PDE3A: variants seen among roughly 807,000 people sequenced by gnomAD.
The protein encoded by PDE3A is phosphodiesterase 3A.
In PDE3A, 43 loss-of-function variants were observed where a neutral mutation model predicts 98.3. The ratio of observed to expected loss-of-function variants is 0.44; its 90% CI spans 0.34 to 0.56. PDE3A has a LOEUF of 0.56. PDE3A is among the 20% of genes least tolerant of loss of function. The pLI, the probability that PDE3A is intolerant of heterozygous loss-of-function variation, is 0.01. For synonymous variants in PDE3A, 663 were observed against 567.9 expected (o/e 1.17, Z -2.38); for missense variants, 1,427 against 1,440.7 (o/e 0.99, Z 0.15).
chr12:20,614,001 T>G (rs1217142849), intron 3 of PDE3A, among the ~76,000 whole-genome samples: 1 of 152,164 alleles, frequency 6.6e-6, no homozygotes, highest in Non-Finnish European at 1.5e-5. Flanking sequence ...GTGATAAGGA[T>G]ATTGCAACAA....
intron 1 of PDE3A, among the ~76,000 whole-genome samples, chr12:20,528,600 A>G (rs1946569268): frequency 6.6e-6 from 1 of 152,232 alleles, no homozygotes; most frequent in Non-Finnish European, 1.5e-5. Flanking sequence ...TACTGCATCT[A>G]CAATAATTTA....
At chr12:20,406,044 A>AT (rs1437746359) in intron 1 of PDE3A, among the ~76,000 whole-genome samples, 7 of 152,090 alleles carry the variant, frequency 4.6e-5, no homozygotes, top group Non-Finnish European at 1.0e-4. Context: ...AAATAGTAGG[A>AT]TTTTCTCCTT....
chr12:20,415,271 T>A (rs1218152943), intron 1 of PDE3A, among the ~76,000 whole-genome samples: 1 of 152,088 alleles, frequency 6.6e-6, no homozygotes, highest in Non-Finnish European at 1.5e-5. Flanking sequence ...GAATTGTAGT[T>A]ACAGCCAAAC....
intron 1 of PDE3A, among the ~76,000 whole-genome samples, chr12:20,425,644 C>T (rs1565545194): frequency 6.6e-6 from 1 of 152,210 alleles, no homozygotes; most frequent in East Asian, 1.9e-4. Flanking sequence ...TAAACTCATT[C>T]TAAGATTGTC....
Position 20,685,381 on chromosome 12 carries a change from C to T in PDE3A, c.*5110C>T, listed in dbSNP as rs1231328046. Reference sequence around the variant, plus strand: ...CTGAGATTGCACCATTGCACTCCAGCCTGGGCAACAGGAGTTAAATTTTGC... The same window carrying T: ...CTGAGATTGCACCATTGCACTCCAGTCTGGGCAACAGGAGTTAAATTTTGC... On this transcript the variant is annotated 3_prime_UTR_variant, in exon 16 of 16. Transcript: ENST00000359062. Among the ~76,000 whole-genome samples the T allele has an allele frequency of 7.3e-6, 1 of 137,004 alleles. No individual in the cohort carries two copies. The highest frequency in any genetic ancestry group is 1.5e-5 in the Non-Finnish European group (1 of 66,218). 89.9% of individuals were successfully genotyped at this position (137,004 alleles called of 152,430 possible).
intron 1 of PDE3A, among the ~76,000 whole-genome samples, chr12:20,397,586 A>G (rs10770648): frequency 0.22 from 33,682 of 151,984 alleles, 4,103 homozygotes; most frequent in East Asian, 0.42. Context: ...TCAAGTTAAT[A>G]TAGCATAATT....
intron 2 of PDE3A, among the ~76,000 whole-genome samples, chr12:20,591,539 G>T (rs1475311298): frequency 6.6e-6 from 1 of 152,238 alleles, no homozygotes; most frequent in African/African-American, 2.4e-5. Flanking sequence ...ATAACACACA[G>T]ATACAACCTT....
intron 2 of PDE3A, among the ~76,000 whole-genome samples, chr12:20,562,914 G>C (rs1168272338): frequency 1.3e-5 from 2 of 152,144 alleles, no homozygotes; most frequent in African/African-American, 4.8e-5. Flanking sequence ...AGATAGCTGA[G>C]TATTCCGATG....
intron 15 of PDE3A, among the ~76,000 whole-genome samples, chr12:20,654,434 A>T (rs1366115528): frequency 6.6e-6 from 1 of 152,178 alleles, no homozygotes; most frequent in African/African-American, 2.4e-5. Flanking sequence ...TCATGAAGTC[A>T]TGAAGTTAGA....
intron 2 of PDE3A, among the ~76,000 whole-genome samples, chr12:20,601,157 A>ACAT (rs1943581703): frequency 6.6e-6 from 1 of 152,212 alleles, no homozygotes; most frequent in South Asian, 2.1e-4. Flanking sequence ...GTGCTATTGC[A>ACAT]ACGAGGATCT....
At chr12:20,479,290 C>T (rs1208042569) in intron 1 of PDE3A, among the ~76,000 whole-genome samples, 2 of 152,152 alleles carry the variant, frequency 1.3e-5, no homozygotes, top group East Asian at 3.8e-4. Flanking sequence ...AAGGTAACAT[C>T]AGGGCTAAAG....
chr12:20,549,875 A>T (rs1407727903), intron 1 of PDE3A, among the ~76,000 whole-genome samples: 1 of 152,166 alleles, frequency 6.6e-6, no homozygotes, highest in Non-Finnish European at 1.5e-5. Flanking sequence ...TAAAAGAAAA[A>T]GTCAAATTTA....
chr12:20,565,796 A>G (rs887104015), intron 2 of PDE3A, among the ~76,000 whole-genome samples: 5 of 151,900 alleles, frequency 3.3e-5, no homozygotes, highest in African/African-American at 1.2e-4. Flanking sequence ...TATCCAGGCT[A>G]TATGTATAAA....
intron 1 of PDE3A, among the ~76,000 whole-genome samples, chr12:20,475,224 CCTT>C (rs1045866998): frequency 7.8e-6 from 1 of 127,748 alleles, no homozygotes; most frequent in Admixed American, 8.6e-5. Flanking sequence ...TGTGTATGTT[CCTT>C]CTTTTAAAAT....
intron 2 of PDE3A, among the ~76,000 whole-genome samples, chr12:20,561,728 T>C (rs1414960483): frequency 6.6e-6 from 1 of 152,172 alleles, no homozygotes; most frequent in East Asian, 1.9e-4. Context: ...AAATTTCCCT[T>C]TGTATTTCAA....
Position 20,369,679 on chromosome 12 carries a change from C to G in PDE3A, c.395C>G (p.Pro132Arg). The G allele has an allele frequency of 6.2e-7, 1 of 1,609,806 alleles. No homozygotes were observed. Among genetic ancestry groups the G allele is most frequent in the Non-Finnish European group, 8.5e-7 (1 of 1,178,824 alleles). The change falls in exon 1 of 16, where the codon CCC becomes CGC. Residue 132 changes from proline to arginine, a missense_variant. Pro to Arg is a moderately radical substitution (Grantham distance 103, BLOSUM62 -2). Transcript: ENST00000359062. ...GGARLSPWLQ[P>R]SALLFSLLCA... ...GCGCGGCTCAGCCCCTGGCTGCAGC[C>G]CTCGGCGCTGCTCTTCAGTCTCCTG...
At chr12:20,372,404 G>T (rs908048154) in intron 1 of PDE3A, among the ~76,000 whole-genome samples, 1 of 151,984 alleles carries the variant, frequency 6.6e-6, no homozygotes, top group African/African-American at 2.4e-5. Flanking sequence ...TTTAATGAGG[G>T]CATGGGTGAG....
At chr12:20,414,069 C>A (rs1944379797) in intron 1 of PDE3A, among the ~76,000 whole-genome samples, 1 of 151,950 alleles carries the variant, frequency 6.6e-6, no homozygotes, top group Non-Finnish European at 1.5e-5. Flanking sequence ...GAAAAACTGG[C>A]CAAAGAACAG....
intron 1 of PDE3A, among the ~76,000 whole-genome samples, chr12:20,407,643 A>G (rs1488114312): frequency 1.3e-5 from 2 of 152,170 alleles, no homozygotes; most frequent in African/African-American, 2.4e-5. Flanking sequence ...AGCATTCCCA[A>G]TTCCTTCCAA....
Sources: gnomAD v4.1 joint callset for allele counts (sites outside exome capture counted in the v4.1 genomes callset) on GRCh38, gnomAD v4.1.1 for gene constraint, MANE v1.5 for transcripts, NCBI Gene and HGNC (gene_info 2026-07-23, HGNC 2026-07-21) for gene names.